CSMD1: variants seen among roughly 807,000 people sequenced by gnomAD.
CSMD1 encodes CUB and Sushi multiple domains 1.
Under a neutral mutation model 417.5 loss-of-function variants are expected in CSMD1, and 213 were observed. The observed-to-expected ratio is 0.51, with a 90% confidence interval of 0.46 to 0.57. The LOEUF is 0.57. Ranked by LOEUF, CSMD1 falls within the 20% of genes least tolerant of loss-of-function variation. The pLI is 0.00. For missense variants in CSMD1, 6,923 were observed against 4,529.7 expected (o/e 1.53, Z -15.17); for synonymous variants, 2,862 against 1,736.8 (o/e 1.65, Z -16.11).
At chr8:4,041,073 G>A (rs556079084) in intron 3 of CSMD1, among the ~76,000 whole-genome samples, 6 of 143,168 alleles carry the variant, frequency 4.2e-5, no homozygotes, top group East Asian at 2.0e-4. Context: ...CTGGAGTGCA[G>A]TGGCGCGATC....
chr8:4,020,051 G>A (rs943082208), intron 4 of CSMD1, among the ~76,000 whole-genome samples: 11 of 152,222 alleles, frequency 7.2e-5, no homozygotes, highest in African/African-American at 2.4e-4. Context: ...GCTTAAGAGT[G>A]GAAGGGAGAG....
At chr8:3,800,200 C>T (rs544189799) in intron 5 of CSMD1, among the ~76,000 whole-genome samples, 3 of 152,000 alleles carry the variant, frequency 2.0e-5, no homozygotes, top group African/African-American at 7.2e-5. Context: ...CAGCAGAGAG[C>T]AGAACTTTCA....
At chr8:4,519,870 G>A (rs1803341394) in intron 2 of CSMD1, among the ~76,000 whole-genome samples, 1 of 149,078 alleles carries the variant, frequency 6.7e-6, no homozygotes, top group African/African-American at 2.5e-5. Flanking sequence ...ACTAGATTTG[G>A]TTCATGAGGA....
chr8:4,437,613 C>G (rs1178579231), intron 2 of CSMD1, among the ~76,000 whole-genome samples: 3 of 152,200 alleles, frequency 2.0e-5, no homozygotes, highest in African/African-American at 4.8e-5. Context: ...CTATCAGCCT[C>G]TGTTCACCAA....
chr8:4,328,181 CAGTA>C (rs1799663209), intron 3 of CSMD1, among the ~76,000 whole-genome samples: 1 of 151,270 alleles, frequency 6.6e-6, no homozygotes, highest in African/African-American at 2.4e-5. Flanking sequence ...CATTATAAGA[CAGTA>C]AGTAAGCTTG....
At chr8:3,975,835 A>T (rs1245463017) in intron 5 of CSMD1, among the ~76,000 whole-genome samples, 1 of 152,234 alleles carries the variant, frequency 6.6e-6, no homozygotes, top group African/African-American at 2.4e-5. Context: ...TTCTTCATAT[A>T]AAATTTTTAG....
At chr8:3,088,119 T>A (rs993825460) in intron 48 of CSMD1, among the ~76,000 whole-genome samples, 12 of 152,228 alleles carry the variant, frequency 7.9e-5, no homozygotes, top group African/African-American at 2.7e-4. Flanking sequence ...TAATCATCCC[T>A]CTTTGTAAGG....
At chr8:4,486,192 T>C (rs1168518789) in intron 2 of CSMD1, among the ~76,000 whole-genome samples, 12 of 11,880 alleles carry the variant, frequency 1.0e-3, no homozygotes, top group African/African-American at 3.5e-3. Context: ...TATATATATA[T>C]ATATATACAT....
chr8:3,645,189 C>A (rs550013167), intron 7 of CSMD1, among the ~76,000 whole-genome samples: 1 of 152,204 alleles, frequency 6.6e-6, no homozygotes, highest in East Asian at 1.9e-4. Context: ...TTCACTGAGT[C>A]CTGGGCCATG....
chr8:4,827,247 C>T (rs1433880762), intron 1 of CSMD1, among the ~76,000 whole-genome samples: 1 of 151,976 alleles, frequency 6.6e-6, no homozygotes, highest in Non-Finnish European at 1.5e-5. Context: ...TTTTGTAATC[C>T]AAATGAATTT....
intron 1 of CSMD1, among the ~76,000 whole-genome samples, chr8:4,976,863 A>G (rs189674392): frequency 3.3e-5 from 5 of 152,296 alleles, no homozygotes; most frequent in Admixed American, 1.3e-4. Flanking sequence ...CTGTGCTTAA[A>G]GAAATATAGA....
At chr8:4,308,942 A>T (rs1318427908) in intron 3 of CSMD1, among the ~76,000 whole-genome samples, 1 of 152,184 alleles carries the variant, frequency 6.6e-6, no homozygotes, top group Non-Finnish European at 1.5e-5. Flanking sequence ...TTTTTTAAAG[A>T]CTCTCAAATA....
chr8:3,239,420 G>C (rs1010016487), intron 26 of CSMD1, among the ~76,000 whole-genome samples: 3 of 152,142 alleles, frequency 2.0e-5, no homozygotes, highest in Non-Finnish European at 4.4e-5. Context: ...GGCCTTCTTA[G>C]ACCCTGTGGG....
chr8:4,318,599 T>G (rs141189369), intron 3 of CSMD1, among the ~76,000 whole-genome samples: 1 of 152,062 alleles, frequency 6.6e-6, no homozygotes, highest in African/African-American at 2.4e-5. Flanking sequence ...TTGAAATGTT[T>G]ACCCTTATTG....
chr8:4,594,281 G>A (rs1800146059), intron 2 of CSMD1, among the ~76,000 whole-genome samples: 1 of 138,420 alleles, frequency 7.2e-6, no homozygotes, highest in South Asian at 2.3e-4. Context: ...TCAGCTCACT[G>A]CAACCTCTGA....
chr8:4,035,377 G>C (rs764073281), intron 3 of CSMD1, among the ~76,000 whole-genome samples: 1 of 152,062 alleles, frequency 6.6e-6, no homozygotes, highest in Non-Finnish European at 1.5e-5. Context: ...TTATTTCAGA[G>C]TGTGCTTCTT....
chr8:3,536,736 G>A (rs1442267380), intron 10 of CSMD1, among the ~76,000 whole-genome samples: 1 of 152,122 alleles, frequency 6.6e-6, no homozygotes, highest in Admixed American at 6.5e-5. Context: ...CAGGTGGCAG[G>A]AGCCCCAATA....
At chr8:4,773,528 T>C (rs1026480504) in intron 1 of CSMD1, among the ~76,000 whole-genome samples, 5 of 152,214 alleles carry the variant, frequency 3.3e-5, no homozygotes, top group Admixed American at 2.0e-4. Context: ...CCAGTTTTTA[T>C]GATTCAGTTG....
At chr8:2,957,892 G>A in intron 62 of CSMD1, 85 bp from the exon 63 acceptor site, 1 of 909,126 alleles carries the variant, frequency 1.1e-6, no homozygotes, top group Non-Finnish European at 1.7e-6. Context: ...ACACGCCCGA[G>A]TAAAAGTACA....
Sources: allele counts gnomAD v4.1 joint callset (sites outside exome capture counted in the v4.1 genomes callset), GRCh38; gene constraint gnomAD v4.1.1; transcripts MANE v1.5; gene names NCBI Gene and HGNC (gene_info 2026-07-23, HGNC 2026-07-21).